The following KHDRBS2 variants were observed in gnomAD, a reference collection of about 807,000 sequenced individuals.
KHDRBS2 encodes KH RNA binding domain containing, signal transduction associated 2, also known as KH domain-containing, RNA-binding, signal transduction-associated protein 2.
KHDRBS2 carries 26 observed loss-of-function variants against 44.3 expected under a neutral mutation model. The observed-to-expected ratio is 0.59, with a 90% CI of 0.43 to 0.81. KHDRBS2 has a LOEUF of 0.81. KHDRBS2 is among the 40% of genes least tolerant of loss of function. The pLI is 0.00. For missense variants in KHDRBS2, 476 were observed against 433.1 expected (o/e 1.10, Z -0.88); for synonymous variants, 194 against 151.1 (o/e 1.28, Z -2.08).
chr6:61,637,974 T>G, the KHDRBS2 span, among the ~76,000 whole-genome samples: 1 of 152,062 alleles, frequency 6.6e-6, no homozygotes, highest in Non-Finnish European at 1.5e-5. Flanking sequence ...TTTCTCCCAT[T>G]TTGTAGGTTG....
At chr6:61,875,284 C>A (rs975882429) in intron 6 of KHDRBS2, among the ~76,000 whole-genome samples, 2 of 151,878 alleles carry the variant, frequency 1.3e-5, no homozygotes, top group Non-Finnish European at 2.9e-5. Flanking sequence ...ATATAATGTT[C>A]TGTGCACAGT....
At chr6:62,235,606 T>C (rs1429938496) in intron 1 of KHDRBS2, among the ~76,000 whole-genome samples, 1 of 152,022 alleles carries the variant, frequency 6.6e-6, no homozygotes, top group Admixed American at 6.6e-5. Context: ...CAGTGGAAAA[T>C]CAAAATTTCC....
At chr6:61,581,159 CA>C in the KHDRBS2 span, among the ~76,000 whole-genome samples, 1 of 152,080 alleles carries the variant, frequency 6.6e-6, no homozygotes, top group Non-Finnish European at 1.5e-5. Context: ...ATGTTCTTTC[CA>C]AACCATAGGT....
intron 6 of KHDRBS2, among the ~76,000 whole-genome samples, chr6:61,852,919 G>C (rs1795661080): frequency 2.0e-5 from 3 of 152,024 alleles, no homozygotes; most frequent in Admixed American, 1.3e-4. Context: ...GTATATTAAA[G>C]ATCTTAACTC....
chr6:61,639,849 T>C, the KHDRBS2 span, among the ~76,000 whole-genome samples: 1 of 152,020 alleles, frequency 6.6e-6, no homozygotes, highest in Non-Finnish European at 1.5e-5. Context: ...TTATAAAACA[T>C]AAAATAAAGT....
intron 3 of KHDRBS2, among the ~76,000 whole-genome samples, chr6:62,030,519 T>A (rs1436792998): frequency 6.6e-6 from 1 of 152,060 alleles, no homozygotes; most frequent in African/African-American, 2.4e-5. Flanking sequence ...TACCTTCATT[T>A]AGGGTACTCC....
At chr6:61,986,921 T>C (rs1368596557) in intron 3 of KHDRBS2, among the ~76,000 whole-genome samples, 2 of 152,188 alleles carry the variant, frequency 1.3e-5, no homozygotes, top group African/African-American at 4.8e-5. Context: ...GGATTCAACA[T>C]ATGAATTTTG....
In KHDRBS2 at chr6:61,781,441, A is replaced by C. The variant is rs1354155849; in HGVS notation, c.811-48677T>G. ...TTTTTGAAAATCACATTGTGTAGAC[A>C]ACTCCATGCCATAAATAAGATCTAT... On this transcript the variant is annotated intron_variant, in intron 6 of 8. Coordinates refer to ENST00000281156, the MANE Select transcript of KHDRBS2 (RefSeq NM_152688.4). 2.6e-5 allele frequency among the ~76,000 whole-genome samples: 4 copies of C among 152,312 alleles called. No individual in the cohort carries two copies. In the Middle Eastern group the frequency reaches 0.01, roughly 389 times the overall value.
At chr6:61,597,773 T>TATATATATACAC in the KHDRBS2 span, among the ~76,000 whole-genome samples, 394 of 42,248 alleles carry the variant, frequency 9.3e-3, 38 homozygotes, top group East Asian at 0.021. Flanking sequence ...TATATATATA[T>TATATATATACAC]ACACCAAGAT....
intron 2 of KHDRBS2, among the ~76,000 whole-genome samples, chr6:62,066,292 G>T (rs1318526347): frequency 3.3e-5 from 5 of 151,640 alleles, no homozygotes; most frequent in African/African-American, 1.2e-4. Context: ...AGAGGTACCT[G>T]ACTGAATGTA....
At chr6:61,872,045 A>G (rs1290842557) in intron 6 of KHDRBS2, among the ~76,000 whole-genome samples, 2 of 152,184 alleles carry the variant, frequency 1.3e-5, no homozygotes, top group Non-Finnish European at 2.9e-5. Flanking sequence ...ATGCCTGTGT[A>G]ACAAAACTGC....
intron 6 of KHDRBS2, among the ~76,000 whole-genome samples, chr6:61,863,835 T>C (rs1219454590): frequency 6.6e-6 from 1 of 152,148 alleles, no homozygotes; most frequent in Non-Finnish European, 1.5e-5. Flanking sequence ...CCTGAATATC[T>C]TTGCTAATGT....
At chr6:61,575,670 A>G in the KHDRBS2 span, among the ~76,000 whole-genome samples, 36 of 152,222 alleles carry the variant, frequency 2.4e-4, no homozygotes, top group Non-Finnish European at 4.1e-4. Context: ...TTACAGCAGT[A>G]CAATTCACAA....
At chr6:62,230,532 G>C (rs560056481) in intron 1 of KHDRBS2, among the ~76,000 whole-genome samples, 21 of 152,262 alleles carry the variant, frequency 1.4e-4, no homozygotes, top group African/African-American at 4.8e-4. Context: ...ACAGAAGTTA[G>C]AGCCCCACTC....
chr6:62,135,576 C>T (rs567463011), intron 2 of KHDRBS2, among the ~76,000 whole-genome samples: 3 of 152,128 alleles, frequency 2.0e-5, no homozygotes, highest in Non-Finnish European at 4.4e-5. Flanking sequence ...CATATCTGCA[C>T]TCTTGTTTAT....
chr6:62,200,254 G>C (rs998143949), intron 1 of KHDRBS2, among the ~76,000 whole-genome samples: 2 of 152,114 alleles, frequency 1.3e-5, no homozygotes, highest in African/African-American at 4.8e-5. Context: ...TTAAACTAAA[G>C]AGCTTCTGCA....
At chr6:61,769,258 G>A (rs767821674) in intron 6 of KHDRBS2, among the ~76,000 whole-genome samples, 8 of 152,076 alleles carry the variant, frequency 5.3e-5, no homozygotes, top group Admixed American at 1.3e-4. Flanking sequence ...GGGTGATTTC[G>A]GCATTTCCAA....
At chr6:61,807,763 C>A (rs1787398631) in intron 6 of KHDRBS2, among the ~76,000 whole-genome samples, 1 of 152,000 alleles carries the variant, frequency 6.6e-6, no homozygotes. Flanking sequence ...GTACACTAAA[C>A]CCTCATGGCA....
chr6:62,163,134 G>T (rs1817989299), intron 2 of KHDRBS2, among the ~76,000 whole-genome samples: 2 of 152,014 alleles, frequency 1.3e-5, no homozygotes, highest in Admixed American at 6.6e-5. Context: ...AAGTTGCGTG[G>T]AAGAGTAGAA....
Sources: gnomAD v4.1 joint callset for allele counts (sites outside exome capture counted in the v4.1 genomes callset) on GRCh38, gnomAD v4.1.1 for gene constraint, MANE v1.5 for transcripts, NCBI Gene and HGNC (gene_info 2026-07-23, HGNC 2026-07-21) for gene names.